PLAC1: variants seen among roughly 807,000 people sequenced by gnomAD.
PLAC1 encodes the protein placenta-specific protein 1.
For missense variants in PLAC1, 136 were observed against 163.2 expected, an observed-to-expected ratio of 0.83 and a Z score of 0.91; for synonymous variants, 68 against 62.1, an observed-to-expected ratio of 1.09 and a Z score of -0.44.
At chrX:134,642,734 G>T (rs140226406) in intron 1 of PLAC1, among the ~76,000 whole-genome samples, 61 of 111,459 alleles carry the variant, frequency 5.5e-4, no homozygotes, top group Non-Finnish European at 8.7e-4. Context: ...TGCTAAGAAA[G>T]ATTAAAGCAA....
intron 2 of PLAC1, among the ~76,000 whole-genome samples, chrX:134,731,526 C>T (rs2078688889): frequency 8.9e-6 from 1 of 112,252 alleles, no homozygotes; most frequent in Admixed American, 9.4e-5. Flanking sequence ...CTAGACTACC[C>T]TAGGGGCCTG....
chrX:134,618,349 A>G (rs2078194701), intron 1 of PLAC1, among the ~76,000 whole-genome samples: 1 of 111,996 alleles, frequency 8.9e-6, no homozygotes, highest in African/African-American at 3.2e-5. Flanking sequence ...CAGCACAGGT[A>G]CCATTGGCAT....
intron 2 of PLAC1, among the ~76,000 whole-genome samples, chrX:134,702,720 C>A (rs2078587967): frequency 8.9e-6 from 1 of 111,799 alleles, no homozygotes; most frequent in African/African-American, 3.3e-5. Flanking sequence ...TGCAACAGAC[C>A]TGCATATGTA....
Position 134,567,653 on chromosome X carries a change from G to A in PLAC1, c.-58-913C>T, listed in dbSNP as rs144977816. On this transcript the variant is annotated intron_variant, in intron 2 of 2. Transcript: ENST00000359237. The stretch of plus-strand genomic sequence containing the variant: ...CACGCCTGTAGTATGAGCTACTCGG[G>A]AGGCTGAGGTGGGAGGATCGCTTGA... 8.3e-3 allele frequency among the ~76,000 whole-genome samples: 908 copies of A among 108,838 alleles called. 6 individuals are homozygous for A. Among genetic ancestry groups the A allele is most frequent in the Middle Eastern group, 0.019 (4 of 211 alleles). 94.5% of individuals were successfully genotyped at this position (108,838 alleles called of 115,157 possible).
intron 2 of PLAC1, among the ~76,000 whole-genome samples, chrX:134,729,102 C>T (rs2078681589): frequency 8.9e-6 from 1 of 112,117 alleles, no homozygotes; most frequent in Non-Finnish European, 1.9e-5. Flanking sequence ...ACAGTTCTTC[C>T]TTCATAGATT....
intron 1 of PLAC1, among the ~76,000 whole-genome samples, chrX:134,611,587 A>G (rs983812839): frequency 9.2e-6 from 1 of 108,435 alleles, no homozygotes; most frequent in African/African-American, 3.4e-5. Flanking sequence ...ATGTATATAT[A>G]TATGCATATA....
At position 134,648,928 on chromosome X, in the gene PLAC1, G is replaced by C. The variant is rs1423336236; in HGVS notation, c.-131+9400C>G. ...TTTGTGGGCCAGTTTGTTAAATATAGCCATTGTTAAAAGTGAAATGATCTA... is the reference window on the plus strand; with the variant it reads ...TTTGTGGGCCAGTTTGTTAAATATACCCATTGTTAAAAGTGAAATGATCTA... On this transcript the variant is annotated intron_variant, in intron 1 of 2. Coordinates refer to ENST00000359237, the MANE Select transcript of PLAC1 (RefSeq NM_021796.4). Among the ~76,000 whole-genome samples the C allele has an allele frequency of 3.6e-5, 4 of 111,524 alleles. No homozygotes were observed. The Admixed American group carries it at 3.8e-4, about 11-fold the overall frequency.
rs934616470 is a variant in PLAC1 at position 134,568,742 on chromosome X, C to T, written c.-58-2002G>A. On this transcript the variant is annotated intron_variant, in intron 2 of 2. Transcript: ENST00000359237. ...CAAAAAGGAAACAATAATAACAACA[C>T]AAATAAGTAAATTCTGATGTGAGCT... Among the ~76,000 whole-genome samples the T allele has an allele frequency of 2.7e-5, 3 of 111,588 alleles. No homozygotes were observed. The Admixed American group carries it at 2.9e-4, about 11-fold the overall frequency.
intron 1 of PLAC1, among the ~76,000 whole-genome samples, chrX:134,744,336 C>A (rs1339626544): frequency 9.3e-6 from 1 of 107,330 alleles, no homozygotes; most frequent in Non-Finnish European, 1.9e-5. Context: ...CCAGAGGAAA[C>A]AACCTAGATG....
At chrX:134,740,915 G>A (rs1223758132) in intron 1 of PLAC1, among the ~76,000 whole-genome samples, 3 of 112,022 alleles carry the variant, frequency 2.7e-5, no homozygotes, top group Admixed American at 9.4e-5. Context: ...CTGACATCTT[G>A]CTTTCAGACT....
intron 2 of PLAC1, among the ~76,000 whole-genome samples, chrX:134,574,838 G>C (rs887012911): frequency 3.6e-5 from 4 of 111,417 alleles, no homozygotes; most frequent in African/African-American, 1.3e-4. Flanking sequence ...GAAGAATGGT[G>C]GGGTGCCTCG....
Position 134,648,199 on chromosome X carries a change from T to C in PLAC1, c.-131+10129A>G, listed in dbSNP as rs1351621209. On this transcript the variant is annotated intron_variant, in intron 1 of 2. Coordinates refer to ENST00000359237, the MANE Select transcript of PLAC1 (RefSeq NM_021796.4). ...TATCACCTAAAACCCTATCAGCTGA[T>C]AACAGCTATCTCTTCAGTGAAGATG... 2.7e-5 allele frequency among the ~76,000 whole-genome samples: 3 copies of C among 111,125 alleles called. No individual in the cohort carries two copies. The East Asian group carries it at 8.5e-4, about 31-fold the overall frequency.
chrX:134,699,874 C>CCAT (rs1440667744), intron 2 of PLAC1, among the ~76,000 whole-genome samples: 1 of 111,927 alleles, frequency 8.9e-6, no homozygotes, highest in Non-Finnish European at 1.9e-5. Context: ...TTCTTCTAGC[C>CCAT]CTGGTGTAAC....
At chrX:134,688,294 T>C (rs920817729) in intron 2 of PLAC1, among the ~76,000 whole-genome samples, 5 of 111,903 alleles carry the variant, frequency 4.5e-5, no homozygotes, top group African/African-American at 1.6e-4. Flanking sequence ...ACTGAGCAAG[T>C]ATGTAACAGA....
chrX:134,622,654 T>A (rs2078216666), intron 1 of PLAC1, among the ~76,000 whole-genome samples: 1 of 112,074 alleles, frequency 8.9e-6, no homozygotes, highest in Non-Finnish European at 1.9e-5. Context: ...TTTGAGTGCC[T>A]TAAGAGATAA....
intron 2 of PLAC1, among the ~76,000 whole-genome samples, chrX:134,588,302 A>T (rs939790796): frequency 7.5e-5 from 7 of 92,864 alleles, no homozygotes; most frequent in African/African-American, 2.4e-4. Flanking sequence ...TTATTTATTT[A>T]TTTATTTATT....
Position 134,576,705 on chromosome X carries a change from G to A in PLAC1, c.-58-9965C>T, listed in dbSNP as rs61211244. 4.6e-3 allele frequency among the ~76,000 whole-genome samples: 510 copies of A among 111,492 alleles called. 3 individuals are homozygous for A. The highest frequency in any genetic ancestry group is 0.015 in the African/African-American group (473 of 30,636). On this transcript the variant is annotated intron_variant, in intron 2 of 2. Coordinates refer to ENST00000359237, the MANE Select transcript of PLAC1 (RefSeq NM_021796.4). The stretch of plus-strand genomic sequence containing the variant: ...CAATGACTTATGTCTTTACAAAAGG[G>A]GAAAATGTGGACACAGAGACAGACA...
At chrX:134,719,615 C>A (rs2078652164) in intron 2 of PLAC1, among the ~76,000 whole-genome samples, 1 of 110,765 alleles carries the variant, frequency 9.0e-6, no homozygotes, top group South Asian at 3.8e-4. Context: ...CATGGCGAAA[C>A]CCCATCTCTA....
At chrX:134,584,336 C>T (rs1178973326) in intron 2 of PLAC1, among the ~76,000 whole-genome samples, 1 of 111,843 alleles carries the variant, frequency 8.9e-6, no homozygotes, top group South Asian at 3.8e-4. Context: ...AGATATAACC[C>T]CATTCATCAT....
Sources: gnomAD v4.1 joint callset for allele counts (sites outside exome capture counted in the v4.1 genomes callset) on GRCh38, gnomAD v4.1.1 for gene constraint, MANE v1.5 for transcripts, NCBI Gene and HGNC (gene_info 2026-07-23, HGNC 2026-07-21) for gene names.